MDH2: variants seen among roughly 807,000 people sequenced by gnomAD.
MDH2 encodes malate dehydrogenase 2.
In MDH2, 25 loss-of-function variants were observed where a neutral mutation model predicts 33.6. That is an observed-to-expected ratio of 0.74 (90% confidence interval 0.54 to 1.04). The LOEUF is 1.04. MDH2 is among the 50% of genes least tolerant of loss of function. The pLI, the probability that MDH2 is intolerant of heterozygous loss-of-function variation, is 0.00. For missense variants in MDH2, 432 were observed against 445.0 expected, an observed-to-expected ratio of 0.97 and a Z score of 0.26; for synonymous variants, 193 against 188.7, an observed-to-expected ratio of 1.02 and a Z score of -0.19.
At chr7:76,052,206 G>A (rs1481374208) in intron 1 of MDH2, among the ~76,000 whole-genome samples, 6 of 152,074 alleles carry the variant, frequency 3.9e-5, no homozygotes, top group African/African-American at 1.4e-4. Context: ...AGACAGTCTG[G>A]GCATGGTAGC....
intron 1 of MDH2, among the ~76,000 whole-genome samples, chr7:76,054,071 T>G (rs1797697477): frequency 6.6e-6 from 1 of 152,186 alleles, no homozygotes; most frequent in South Asian, 2.1e-4. Flanking sequence ...TGCCAAGGCC[T>G]AAGCCCCATC....
In MDH2 at chr7:76,058,022, AC is replaced by A. The variant is rs1554586519; in HGVS notation, c.375del (p.Ala126LeufsTer11). On this transcript the variant is annotated frameshift_variant, in exon 4 of 9. Coordinates refer to ENST00000315758, the MANE Select transcript of MDH2 (RefSeq NM_005918.4). LOFTEE classifies it high-confidence loss of function. The stretch of plus-strand genomic sequence containing the variant: ...CAATGCCACGATTGTGGCCACCCTG[AC>A]CGCTGCCTGTGCCCAGCACTGCCCG... ...NTNATIVATL[T>X]AACAQHCPEA... 1.9e-6 allele frequency: 3 copies of A among 1,613,856 alleles called. No individual in the cohort carries two copies. The African/African-American group carries it at 4.0e-5, about 22-fold the overall frequency.
intron 1 of MDH2, among the ~76,000 whole-genome samples, chr7:76,053,960 G>T (rs1483074285): frequency 2.0e-5 from 3 of 152,194 alleles, no homozygotes; most frequent in African/African-American, 4.8e-5. Flanking sequence ...AATGCCCAGG[G>T]CCAGCTGCTA....
intron 6 of MDH2, 50 bp downstream of exon 6, chr7:76,063,642 C>T (rs782295045): frequency 1.3e-6 from 2 of 1,562,720 alleles, no homozygotes; most frequent in Admixed American, 3.3e-5. Flanking sequence ...ATTCCCTTTA[C>T]CAGGCCCTGC....
At chr7:76,056,387 C>G (rs557334051) in intron 2 of MDH2, among the ~76,000 whole-genome samples, 30 of 152,320 alleles carry the variant, frequency 2.0e-4, no homozygotes, top group Middle Eastern at 3.4e-3. Flanking sequence ...TCCCCTCTGA[C>G]AGCGTATGCG....
chr7:76,049,497 T>G (rs1797530267), intron 1 of MDH2, among the ~76,000 whole-genome samples: 1 of 151,872 alleles, frequency 6.6e-6, no homozygotes, highest in East Asian at 1.9e-4. Flanking sequence ...TCTTAGGGAA[T>G]GAGTAAACTT....
chr7:76,048,599 A>C (rs1416944519), intron 1 of MDH2: 1 of 1,300,112 alleles, frequency 7.7e-7, no homozygotes, highest in African/African-American at 1.5e-5. Flanking sequence ...TGACGTAGCT[A>C]ATCTCCTTGC....
In MDH2 at chr7:76,064,331, G is replaced by T. The variant is rs1554587458; in HGVS notation, c.634-8G>T. 5 of 1,607,330 alleles carry T rather than the reference G, an allele frequency of 3.1e-6. No individual in the cohort carries two copies. The highest frequency in any genetic ancestry group is 3.4e-6 in the Non-Finnish European group (4 of 1,177,386). The stretch of plus-strand genomic sequence containing the variant: ...AGCCACTCACTGATCCCATGGCTTG[G>T]CTTGCAGTGCACCCCCAAGGTGGAC... On this transcript the variant is annotated splice_polypyrimidine_tract_variant and splice_region_variant and intron_variant, in intron 6 of 8. Coordinates refer to ENST00000315758, the MANE Select transcript of MDH2 (RefSeq NM_005918.4).
intron 4 of MDH2, among the ~76,000 whole-genome samples, chr7:76,059,343 T>C (rs1797877242): frequency 6.6e-6 from 1 of 152,238 alleles, no homozygotes; most frequent in Non-Finnish European, 1.5e-5. Context: ...AGTGAAACCA[T>C]GGATAAGGTG....
At chr7:76,048,991 G>GGT in intron 1 of MDH2, 1 of 540,910 alleles carries the variant, frequency 1.8e-6, no homozygotes. Context: ...CGGGGGGGGG[G>GGT]GGGGGGGTCC....
At chr7:76,063,001 G>A (rs1439457372) in intron 5 of MDH2, among the ~76,000 whole-genome samples, 1 of 152,236 alleles carries the variant, frequency 6.6e-6, no homozygotes, top group African/African-American at 2.4e-5. Flanking sequence ...AGCCATAGGA[G>A]TCAGTTTGTT....
chr7:76,055,953 G>A (rs1411487145), intron 2 of MDH2, among the ~76,000 whole-genome samples: 8 of 151,100 alleles, frequency 5.3e-5, no homozygotes, highest in South Asian at 2.1e-4. Context: ...TCAACCTCCC[G>A]AGTAGCTGGG....
intron 4 of MDH2, among the ~76,000 whole-genome samples, chr7:76,059,394 C>A (rs782350172): frequency 6.6e-6 from 1 of 152,228 alleles, no homozygotes; most frequent in Non-Finnish European, 1.5e-5. Context: ...TTCCTGGTCC[C>A]CTGTTGTCCC....
chr7:76,066,129 C>T, intron 8 of MDH2, 150 bp from the exon 9 acceptor site: 1 of 909,248 alleles, frequency 1.1e-6, no homozygotes, highest in Non-Finnish European at 1.6e-6. Context: ...CAGTCCCACC[C>T]ACCTGCTCAG....
chr7:76,048,383 C>T (rs1797401013), intron 1 of MDH2, 157 bp downstream of exon 1: 2 of 1,212,582 alleles, frequency 1.6e-6, no homozygotes, highest in Non-Finnish European at 2.2e-6. Context: ...CAGGCCCTGA[C>T]ACTGGCCTGG....
chr7:76,057,290 T>C, intron 2 of MDH2, 120 bp from the exon 3 acceptor site: 1 of 954,918 alleles, frequency 1.0e-6, no homozygotes, highest in Non-Finnish European at 1.6e-6. Flanking sequence ...GAAGTCACGT[T>C]ACAGGCAGGG....
chr7:76,063,406 C>T lies in MDH2; in HGVS notation c.556-109C>T, dbSNP rs1177177825. 5 of 1,045,958 alleles carry T rather than the reference C, an allele frequency of 4.8e-6. No individual in the cohort carries two copies. The African/African-American group carries it at 6.3e-5, about 13-fold the overall frequency. The allele number at this position is 1,045,958 out of a possible 1,614,324, so 64.8% of individuals were successfully genotyped here. A position where few individuals can be genotyped will look rare whatever the true frequency, so the allele number is the denominator to read the frequency against. ...GGCCTCCTCCTAGCTGGCTCTGTTC[C>T]ACCCTGAGTTCTGGGGGGCTTTTCC... On this transcript the variant is annotated intron_variant, in intron 5 of 8. Coordinates refer to ENST00000315758, the MANE Select transcript of MDH2 (RefSeq NM_005918.4).
At chr7:76,061,894 A>G (rs935652935) in intron 5 of MDH2, among the ~76,000 whole-genome samples, 1 of 152,226 alleles carries the variant, frequency 6.6e-6, no homozygotes, top group Non-Finnish European at 1.5e-5. Flanking sequence ...TTATGGTTAA[A>G]TAACATTAAA....
In MDH2 at chr7:76,063,997, G is replaced by A. The variant is rs186993320; in HGVS notation, c.634-342G>A. 1.4e-3 allele frequency among the ~76,000 whole-genome samples: 208 copies of A among 152,270 alleles called. 2 individuals are homozygous for A. Among genetic ancestry groups the A allele is most frequent in the Admixed American group, 2.7e-3 (41 of 15,304 alleles). On this transcript the variant is annotated intron_variant, in intron 6 of 8. Coordinates refer to ENST00000315758, the MANE Select transcript of MDH2 (RefSeq NM_005918.4). Reference sequence around the variant, plus strand: ...CTGCAGCGAGCTATGATGCACCACTGAAGCCTGGGCGACAGAGCCAGACCC... The same window carrying A: ...CTGCAGCGAGCTATGATGCACCACTAAAGCCTGGGCGACAGAGCCAGACCC...
Sources: gnomAD v4.1 joint callset for allele counts (sites outside exome capture counted in the v4.1 genomes callset) on GRCh38, gnomAD v4.1.1 for gene constraint, MANE v1.5 for transcripts, NCBI Gene and HGNC (gene_info 2026-07-23, HGNC 2026-07-21) for gene names.